BANK1: variants seen among roughly 807,000 people sequenced by gnomAD.
The protein encoded by BANK1 is B-cell scaffold protein with ankyrin repeats.
Under a neutral mutation model 94.5 loss-of-function variants are expected in BANK1, and 95 were observed. The observed-to-expected ratio is 1.00, with a 90% CI of 0.85 to 1.19. BANK1 has a LOEUF of 1.19. Ranked by LOEUF, BANK1 falls within the 50% of genes most tolerant of loss-of-function variation. BANK1 has a pLI of 0.00. For missense variants in BANK1, 987 were observed against 932.2 expected (o/e 1.06, Z -0.77); for synonymous variants, 334 against 308.4 (o/e 1.08, Z -0.87).
intron 12 of BANK1, 163 bp from the exon 13 acceptor site, chr4:102,062,912 A>T: frequency 1.7e-6 from 1 of 587,948 alleles, no homozygotes. Context: ...GTGAGAATTA[A>T]GTAAGATAAC....
rs760747366 is a variant in BANK1, at chr4:102,030,005, A to G, written c.1640A>G (p.His547Arg). 5.0e-6 allele frequency: 8 copies of G among 1,612,752 alleles called. No homozygotes were observed. The highest frequency in any genetic ancestry group is 6.8e-6 in the Non-Finnish European group (8 of 1,179,726). Residue 547 changes from histidine (H) to arginine (R), a missense_variant, in exon 10 of 17, where the codon CAT (histidine) becomes CGT (arginine). His to Arg is a conservative substitution (Grantham distance 29). Transcript: ENST00000322953. Reference sequence around the variant, plus strand: ...ATGGAAAGAAGTCAAAACTGGGGTCATCCTGGTGTTAGACAAGAAACAGGA... The same window carrying G: ...ATGGAAAGAAGTCAAAACTGGGGTCGTCCTGGTGTTAGACAAGAAACAGGA... ...GQMERSQNWG[H>R]PGVRQETGDE...
intron 1 of BANK1, among the ~76,000 whole-genome samples, chr4:101,795,697 A>C (rs1360117756): frequency 2.0e-5 from 3 of 152,216 alleles, no homozygotes; most frequent in East Asian, 1.9e-4. Flanking sequence ...GGTTTCAATT[A>C]ATGGGATAAT....
At chr4:102,071,421 G>A in intron 14 of BANK1, 117 bp downstream of exon 14, 1 of 1,007,224 alleles carries the variant, frequency 9.9e-7, no homozygotes, top group Non-Finnish European at 1.5e-6. Flanking sequence ...CATTCACATA[G>A]ATTTTATATT....
intron 7 of BANK1, among the ~76,000 whole-genome samples, chr4:101,951,357 G>T (rs1033653972): frequency 6.6e-6 from 1 of 152,044 alleles, no homozygotes; most frequent in African/African-American, 2.4e-5. Context: ...ATAAAAATAT[G>T]TACAATTTTA....
intron 5 of BANK1, among the ~76,000 whole-genome samples, chr4:101,892,135 T>C (rs527628266): frequency 9.6e-4 from 146 of 151,658 alleles, no homozygotes; most frequent in African/African-American, 3.3e-3. Flanking sequence ...GTAGGACTAC[T>C]ACATCTTTCC....
chr4:101,834,714 A>G (rs200918855), intron 2 of BANK1, among the ~76,000 whole-genome samples: 1 of 152,210 alleles, frequency 6.6e-6, no homozygotes, highest in East Asian at 1.9e-4. Context: ...ATTTTTCCTC[A>G]TTCCATAAAG....
intron 10 of BANK1, among the ~76,000 whole-genome samples, chr4:102,042,808 C>A (rs1399044429): frequency 2.0e-5 from 3 of 151,866 alleles, no homozygotes; most frequent in Non-Finnish European, 4.4e-5. Context: ...TCTAATTTCC[C>A]TTTTAATCCT....
intron 2 of BANK1, among the ~76,000 whole-genome samples, chr4:101,835,764 T>C (rs1726799782): frequency 6.6e-6 from 1 of 152,192 alleles, no homozygotes; most frequent in African/African-American, 2.4e-5. Flanking sequence ...TCCTTCCTTT[T>C]TGCATGGTCT....
chr4:101,926,275 A>G (rs1305475016), intron 7 of BANK1, among the ~76,000 whole-genome samples: 1 of 151,576 alleles, frequency 6.6e-6, no homozygotes, highest in Admixed American at 6.6e-5. Context: ...TCAACAATAT[A>G]TTTTTTTCAT....
At chr4:101,986,849 A>G (rs1036320216) in intron 7 of BANK1, among the ~76,000 whole-genome samples, 1,366 of 53,756 alleles carry the variant, frequency 0.025, 68 homozygotes, top group East Asian at 0.11. Flanking sequence ...ATATGTGTAT[A>G]TATATGTATA....
chr4:102,006,561 A>G (rs1382131684), intron 7 of BANK1, among the ~76,000 whole-genome samples: 4 of 151,986 alleles, frequency 2.6e-5, no homozygotes, highest in African/African-American at 7.2e-5. Context: ...AAGTATGAAC[A>G]GAAAACTTAA....
At chr4:101,861,180 T>C (rs1460889618) in intron 3 of BANK1, among the ~76,000 whole-genome samples, 2 of 151,712 alleles carry the variant, frequency 1.3e-5, no homozygotes, top group Non-Finnish European at 3.0e-5. Flanking sequence ...AGAAATTTAG[T>C]TTTCCCTGTG....
chr4:101,983,941 G>A (rs1725403526), intron 7 of BANK1, among the ~76,000 whole-genome samples: 1 of 151,942 alleles, frequency 6.6e-6, no homozygotes, highest in Non-Finnish European at 1.5e-5. Context: ...AAAGCCTGAA[G>A]TGCACAAGAA....
intron 1 of BANK1, among the ~76,000 whole-genome samples, chr4:101,829,491 A>G (rs887556809): frequency 6.6e-6 from 1 of 151,848 alleles, no homozygotes. Flanking sequence ...AATATTATCT[A>G]TAACATTATC....
chr4:102,043,940 C>A, intron 11 of BANK1, 33 bp downstream of exon 11: 1 of 1,309,474 alleles, frequency 7.6e-7, no homozygotes, highest in Non-Finnish European at 1.1e-6. Flanking sequence ...ATTTAGTAAT[C>A]TCTAGGTAAA....
chr4:102,043,275 G>A (rs963858831), intron 10 of BANK1, among the ~76,000 whole-genome samples: 33 of 152,052 alleles, frequency 2.2e-4, no homozygotes, highest in African/African-American at 6.0e-4. Context: ...CCAGAATTTC[G>A]TGTGAGAAAT....
chr4:101,855,156 A>G lies in BANK1; in HGVS notation c.591A>G (p.Leu197=). 1 of 1,613,256 alleles carries G rather than the reference A, an allele frequency of 6.2e-7. No homozygotes were observed. The change falls in exon 3 of 17, where the codon CTA becomes CTG. Residue 197 remains leucine (L), a synonymous_variant. Coordinates refer to ENST00000322953, the MANE Select transcript of BANK1 (RefSeq NM_017935.5). ...AAGCTTCAAGAAACACCATACCACTAGCAGTGGTGCTTCCCACTGAAATTC... is the reference window on the plus strand; with the variant it reads ...AAGCTTCAAGAAACACCATACCACTGGCAGTGGTGCTTCCCACTGAAATTC... The part of the protein sequence containing the change: ...LSEASRNTIP[L]AVVLPTEIPC...
At chr4:101,912,260 C>T (rs1460305462) in intron 6 of BANK1, among the ~76,000 whole-genome samples, 2 of 152,118 alleles carry the variant, frequency 1.3e-5, no homozygotes, top group Non-Finnish European at 2.9e-5. Context: ...ACACCTCCCT[C>T]CCCTTTCTAA....
intron 3 of BANK1, among the ~76,000 whole-genome samples, chr4:101,855,975 G>A (rs1727663835): frequency 6.6e-6 from 1 of 152,094 alleles, no homozygotes; most frequent in Non-Finnish European, 1.5e-5. Flanking sequence ...TATAATCTTA[G>A]GACATGAAAA....
Sources: gnomAD v4.1 joint callset for allele counts (sites outside exome capture counted in the v4.1 genomes callset) on GRCh38, gnomAD v4.1.1 for gene constraint, MANE v1.5 for transcripts, NCBI Gene and HGNC (gene_info 2026-07-23, HGNC 2026-07-21) for gene names.